Variants in MAML2 observed in about 807,000 individuals in gnomAD.
MAML2 encodes mastermind-like protein 2.
In MAML2, 22 loss-of-function variants were observed where a neutral mutation model predicts 96.1. The observed-to-expected ratio is 0.23, with a 90% CI of 0.16 to 0.33. The LOEUF is 0.33. Ranked by LOEUF, MAML2 falls within the 10% of genes least tolerant of loss-of-function variation. The pLI, the probability that MAML2 is intolerant of heterozygous loss-of-function variation, is 1.00. For synonymous variants in MAML2, 561 were observed against 521.3 expected, an observed-to-expected ratio of 1.08 and a Z score of -1.04; for missense variants, 1,367 against 1,392.4, an observed-to-expected ratio of 0.98 and a Z score of 0.29.
At position 96,166,177 on chromosome 11, in the gene MAML2, T is replaced by TCTCTCA. The variant is rs530578845; in HGVS notation, c.514-72661_514-72660insTGAGAG. Among the ~76,000 whole-genome samples the TCTCTCA allele has an allele frequency of 2.3e-3, 252 of 110,374 alleles. 2 individuals are homozygous for TCTCTCA. Among genetic ancestry groups the TCTCTCA allele is most frequent in the Middle Eastern group, 0.01 (2 of 194 alleles). 72.4% of individuals were successfully genotyped at this position (110,374 alleles called of 152,430 possible). A position where few individuals can be genotyped will look rare whatever the true frequency, so the allele number is the denominator to read the frequency against. ...CTGTCTCTCTCTCTCTCTCTCTCTC[T>TCTCTCA]CACACACACACACACACACACACAC... On this transcript the variant is annotated intron_variant, in intron 1 of 4. Coordinates refer to ENST00000524717, the MANE Select transcript of MAML2 (RefSeq NM_032427.4).
intron 1 of MAML2, among the ~76,000 whole-genome samples, chr11:96,130,575 C>T (rs541312573): frequency 5.3e-5 from 8 of 152,132 alleles, no homozygotes; most frequent in Admixed American, 2.0e-4. Context: ...ATTTTAGTTG[C>T]GTTTAAGAAT....
At chr11:96,140,384 C>G (rs977268524) in intron 1 of MAML2, among the ~76,000 whole-genome samples, 1 of 152,198 alleles carries the variant, frequency 6.6e-6, no homozygotes, top group Non-Finnish European at 1.5e-5. Flanking sequence ...AGCATTAAAA[C>G]CACTGTTATT....
At chr11:96,273,857 T>G (rs572733055) in intron 1 of MAML2, among the ~76,000 whole-genome samples, 20 of 152,338 alleles carry the variant, frequency 1.3e-4, no homozygotes, top group African/African-American at 4.6e-4. Flanking sequence ...GGCCTTCATT[T>G]TTCATATATC....
chr11:96,000,954 AG>A (rs1363353341), intron 2 of MAML2, among the ~76,000 whole-genome samples: 41 of 152,306 alleles, frequency 2.7e-4, no homozygotes, highest in African/African-American at 9.6e-4. Context: ...AACAGAAGAA[AG>A]TATTTGGTTT....
intron 1 of MAML2, among the ~76,000 whole-genome samples, chr11:96,174,968 A>G (rs1861359944): frequency 6.6e-6 from 1 of 152,228 alleles, no homozygotes; most frequent in South Asian, 2.1e-4. Context: ...TATAATCGCC[A>G]TTCAGCATTT....
At chr11:96,050,172 A>T (rs1266242129) in intron 2 of MAML2, among the ~76,000 whole-genome samples, 1 of 152,230 alleles carries the variant, frequency 6.6e-6, no homozygotes, top group East Asian at 1.9e-4. Flanking sequence ...TATTAAGATC[A>T]TACAGATCTA....
intron 3 of MAML2, among the ~76,000 whole-genome samples, chr11:95,986,954 A>G (rs768475779): frequency 2.0e-5 from 3 of 152,240 alleles, no homozygotes; most frequent in Non-Finnish European, 2.9e-5. Flanking sequence ...CACTAGGAAC[A>G]CAGCTGTTGG....
At chr11:96,063,742 C>T (rs1357216391) in intron 2 of MAML2, among the ~76,000 whole-genome samples, 5 of 152,124 alleles carry the variant, frequency 3.3e-5, no homozygotes, top group Non-Finnish European at 5.9e-5. Flanking sequence ...AATAACTACC[C>T]AATAAATGCT....
chr11:96,010,908 A>G (rs1225669121), intron 2 of MAML2, among the ~76,000 whole-genome samples: 1 of 152,226 alleles, frequency 6.6e-6, no homozygotes, highest in Non-Finnish European at 1.5e-5. Context: ...GAGTTTTATA[A>G]GGTCACTTTA....
At chr11:96,182,893 C>T (rs1224569210) in intron 1 of MAML2, among the ~76,000 whole-genome samples, 3 of 151,942 alleles carry the variant, frequency 2.0e-5, no homozygotes, top group Middle Eastern at 6.9e-3. Flanking sequence ...CTATCATACC[C>T]GTTAATTATG....
chr11:96,075,862 C>A (rs746885146), intron 2 of MAML2, among the ~76,000 whole-genome samples: 17 of 152,246 alleles, frequency 1.1e-4, no homozygotes, highest in Middle Eastern at 6.8e-3. Context: ...TCTTACTAAT[C>A]GGCATTCAGA....
chr11:96,170,148 G>A (rs898369715), intron 1 of MAML2, among the ~76,000 whole-genome samples: 15 of 152,182 alleles, frequency 9.9e-5, no homozygotes, highest in Admixed American at 2.0e-4. Flanking sequence ...ATGTGCTACA[G>A]TGCACCTGCC....
chr11:96,062,151 T>C (rs1009328227), intron 2 of MAML2, among the ~76,000 whole-genome samples: 3 of 152,000 alleles, frequency 2.0e-5, no homozygotes, highest in Non-Finnish European at 2.9e-5. Context: ...GGTTGGAGTA[T>C]GGTACTTTTT....
At chr11:96,243,404 C>T (rs1456041210) in intron 1 of MAML2, among the ~76,000 whole-genome samples, 1 of 152,174 alleles carries the variant, frequency 6.6e-6, no homozygotes, top group Non-Finnish European at 1.5e-5. Context: ...CAGCTCTGAA[C>T]AGACAGAAAT....
At chr11:96,263,796 A>C (rs1862784769) in intron 1 of MAML2, among the ~76,000 whole-genome samples, 1 of 152,260 alleles carries the variant, frequency 6.6e-6, no homozygotes. Flanking sequence ...GTATCATTAA[A>C]AGAGCAACCA....
At chr11:96,339,547 C>T (rs537656895) in intron 1 of MAML2, among the ~76,000 whole-genome samples, 20 of 152,346 alleles carry the variant, frequency 1.3e-4, no homozygotes, top group African/African-American at 4.8e-4. Flanking sequence ...GGCCCCGCTC[C>T]GGCCTTGACA....
intron 1 of MAML2, among the ~76,000 whole-genome samples, chr11:96,160,026 G>T (rs921397938): frequency 6.6e-6 from 1 of 152,212 alleles, no homozygotes. Context: ...TCAGGAAAGA[G>T]TATATGTTTT....
intron 1 of MAML2, among the ~76,000 whole-genome samples, chr11:96,202,445 C>A (rs1861839920): frequency 6.6e-6 from 1 of 151,892 alleles, no homozygotes; most frequent in Non-Finnish European, 1.5e-5. Flanking sequence ...GTTATGGAAT[C>A]CCAGGTAGGA....
chr11:96,002,982 T>G (rs891564516), intron 2 of MAML2, among the ~76,000 whole-genome samples: 3 of 145,646 alleles, frequency 2.1e-5, no homozygotes, highest in African/African-American at 7.8e-5. Flanking sequence ...GTGAGGATGA[T>G]GATGGTGATG....
Sources: allele counts gnomAD v4.1 joint callset (sites outside exome capture counted in the v4.1 genomes callset), GRCh38; gene constraint gnomAD v4.1.1; transcripts MANE v1.5; gene names NCBI Gene and HGNC (gene_info 2026-07-23, HGNC 2026-07-21).